The following RNF138 variants were observed in gnomAD, a reference collection of about 807,000 sequenced individuals.
RNF138 encodes the protein E3 ubiquitin-protein ligase RNF138.
A neutral mutation model predicts 31.0 loss-of-function variants in RNF138; 12 were observed. The observed-to-expected ratio is 0.39, with a 90% CI of 0.25 to 0.63. RNF138 has a LOEUF of 0.63. Among genes scored for constraint, RNF138 ranks in the 20% least tolerant of loss-of-function variants. The pLI, the probability that RNF138 is intolerant of heterozygous loss-of-function variation, is 0.52. For synonymous variants in RNF138, 105 were observed against 99.5 expected (o/e 1.06, Z -0.33); for missense variants, 192 against 300.1 (o/e 0.64, Z 2.66).
At chr18:32,106,427 A>G (rs1223360568) in intron 2 of RNF138, among the ~76,000 whole-genome samples, 1 of 152,004 alleles carries the variant, frequency 6.6e-6, no homozygotes, top group South Asian at 2.1e-4. Flanking sequence ...ACATCATTCT[A>G]TTTGTCATTT....
intron 2 of RNF138, among the ~76,000 whole-genome samples, chr18:32,110,141 A>G (rs966524862): frequency 3.9e-5 from 6 of 151,960 alleles, no homozygotes; most frequent in South Asian, 2.1e-4. Flanking sequence ...GCATGCTACT[A>G]TACCCAGCTA....
intron 4 of RNF138, among the ~76,000 whole-genome samples, chr18:32,120,376 C>T (rs1362990839): frequency 1.3e-5 from 2 of 151,868 alleles, no homozygotes; most frequent in African/African-American, 2.4e-5. Context: ...AAGCATTGTG[C>T]TTACTATTTA....
intron 2 of RNF138, among the ~76,000 whole-genome samples, chr18:32,110,308 T>C (rs1031851884): frequency 6.6e-6 from 1 of 152,214 alleles, no homozygotes; most frequent in Non-Finnish European, 1.5e-5. Flanking sequence ...TTTTAGTTTA[T>C]GGTGTTAATT....
chr18:32,095,005 C>T (rs1179913011), intron 2 of RNF138, among the ~76,000 whole-genome samples: 1 of 152,082 alleles, frequency 6.6e-6, no homozygotes, highest in African/African-American at 2.4e-5. Context: ...AATTCAGGAC[C>T]TTTCTCAAAT....
chr18:32,115,676 C>T (rs770899123), intron 4 of RNF138, among the ~76,000 whole-genome samples: 3 of 152,248 alleles, frequency 2.0e-5, no homozygotes, highest in East Asian at 1.9e-4. Context: ...CCCTAGGAAA[C>T]GGAGGTTGCA....
At chr18:32,106,892 A>G (rs1294851872) in intron 2 of RNF138, among the ~76,000 whole-genome samples, 5 of 152,128 alleles carry the variant, frequency 3.3e-5, no homozygotes, top group Admixed American at 3.3e-4. Context: ...AAGTTTTTCC[A>G]GTAATCTCTC....
chr18:32,118,026 A>G (rs1290356229), intron 4 of RNF138, among the ~76,000 whole-genome samples: 1 of 152,220 alleles, frequency 6.6e-6, no homozygotes, highest in East Asian at 1.9e-4. Context: ...TGTAAACGTT[A>G]GTAACTGGAT....
intron 2 of RNF138, among the ~76,000 whole-genome samples, chr18:32,102,753 C>G (rs567936360): frequency 1.3e-5 from 2 of 151,866 alleles, no homozygotes; most frequent in Non-Finnish European, 2.9e-5. Context: ...CTGCCTCAGC[C>G]TCCTGAGTAG....
intron 4 of RNF138, among the ~76,000 whole-genome samples, chr18:32,120,564 T>C (rs1305738651): frequency 1.3e-5 from 2 of 152,202 alleles, no homozygotes; most frequent in East Asian, 3.8e-4. Context: ...AATAATAATT[T>C]GCTGTCAGTA....
intron 2 of RNF138, among the ~76,000 whole-genome samples, chr18:32,110,575 A>G (rs1023227653): frequency 6.6e-6 from 1 of 152,144 alleles, no homozygotes; most frequent in Non-Finnish European, 1.5e-5. Context: ...ATTTCCTCTC[A>G]ACTTCTGTTA....
At chr18:32,121,689 A>G (rs1479057539) in intron 4 of RNF138, among the ~76,000 whole-genome samples, 1 of 152,170 alleles carries the variant, frequency 6.6e-6, no homozygotes. Context: ...AACATCTACC[A>G]ATTTTAAATG....
intron 4 of RNF138, among the ~76,000 whole-genome samples, chr18:32,121,398 G>C (rs972473727): frequency 6.6e-6 from 1 of 152,096 alleles, no homozygotes; most frequent in African/African-American, 2.4e-5. Flanking sequence ...AGGAGGCTGA[G>C]GCAGGAGAAT....
intron 1 of RNF138, 53 bp from the exon 2 acceptor site, chr18:32,092,647 T>C (rs935833828): frequency 1.5e-6 from 1 of 649,392 alleles, no homozygotes; most frequent in East Asian, 3.1e-5. Context: ...GCCCCCTTCC[T>C]GGCGCGCGCT....
In RNF138 at chr18:32,131,237, A is replaced by G. The variant is rs995895339; in HGVS notation, c.*2050A>G. ...GTGTCTCACATATCAGCTTTTTCAT[A>G]AGGAAAATACTTTATTTGCTTTTAT... is the stretch of plus-strand genomic sequence containing the variant. On this transcript the variant is annotated 3_prime_UTR_variant, in exon 8 of 8. Transcript: ENST00000261593. The G allele has an allele frequency of 1.3e-5, 2 of 152,130 alleles. No individual in the cohort carries two copies. The highest frequency in any genetic ancestry group is 1.5e-5 in the Non-Finnish European group (1 of 67,960). 9.4% of individuals were successfully genotyped at this position (152,130 alleles called of 1,614,324 possible). A position where few individuals can be genotyped will look rare whatever the true frequency, so the allele number is the denominator to read the frequency against.
intron 2 of RNF138, among the ~76,000 whole-genome samples, chr18:32,103,838 C>T (rs1451774109): frequency 3.0e-5 from 4 of 134,776 alleles, no homozygotes; most frequent in Admixed American, 7.9e-5. Flanking sequence ...CGGTGGCGGG[C>T]ACCTGTAGTC....
chr18:32,095,262 C>A (rs1598842218), intron 2 of RNF138, among the ~76,000 whole-genome samples: 1 of 152,064 alleles, frequency 6.6e-6, no homozygotes, highest in African/African-American at 2.4e-5. Context: ...CTTGACCTCC[C>A]CCGTTGGAGC....
At chr18:32,103,807 C>CA (rs1198997352) in intron 2 of RNF138, among the ~76,000 whole-genome samples, 18 of 149,916 alleles carry the variant, frequency 1.2e-4, no homozygotes, top group African/African-American at 2.2e-4. Flanking sequence ...ACTAAAAATA[C>CA]AAAAAAAAAT....
chr18:32,103,100 T>G (rs1407450177), intron 2 of RNF138, among the ~76,000 whole-genome samples: 1 of 152,220 alleles, frequency 6.6e-6, no homozygotes, highest in Non-Finnish European at 1.5e-5. Context: ...TGTGCCAATA[T>G]TTTTGAAAGT....
chr18:32,094,634 A>G (rs1395412361), intron 2 of RNF138, among the ~76,000 whole-genome samples: 2 of 152,146 alleles, frequency 1.3e-5, no homozygotes, highest in Admixed American at 6.5e-5. Flanking sequence ...GGAGGTGTCT[A>G]GGGCACAATA....
Sources: allele counts gnomAD v4.1 joint callset (sites outside exome capture counted in the v4.1 genomes callset), GRCh38; gene constraint gnomAD v4.1.1; transcripts MANE v1.5; gene names NCBI Gene and HGNC (gene_info 2026-07-23, HGNC 2026-07-21).